Variants in CUL4A observed in about 807,000 individuals in gnomAD.
CUL4A encodes cullin 4A.
A neutral mutation model predicts 95.5 loss-of-function variants in CUL4A; 16 were observed. The observed-to-expected ratio is 0.17, with a 90% confidence interval of 0.11 to 0.25. The LOEUF (loss-of-function observed/expected upper bound fraction) is 0.25. CUL4A is among the 10% of genes least tolerant of loss of function. CUL4A has a pLI of 1.00. For synonymous variants in CUL4A, 380 were observed against 353.1 expected, an observed-to-expected ratio of 1.08 and a Z score of -0.85; for missense variants, 610 against 937.0, an observed-to-expected ratio of 0.65 and a Z score of 4.56.
intron 2 of CUL4A, among the ~76,000 whole-genome samples, chr13:113,212,362 A>AT (rs1173005932): frequency 6.6e-6 from 1 of 152,248 alleles, no homozygotes; most frequent in East Asian, 1.9e-4. Flanking sequence ...TATCCAAGAA[A>AT]TCTTGCTTAA....
At position 113,256,117 on chromosome 13, in the gene CUL4A, T is replaced by C. The variant is rs2042113629; in HGVS notation, c.2031+992T>C. On this transcript the variant is annotated intron_variant, in intron 18 of 19. Coordinates refer to ENST00000375440, the MANE Select transcript of CUL4A (RefSeq NM_001008895.4). Reference sequence around the variant, plus strand: ...CGGGAGGGTCGCTTGATCCCGGGAGTTTGAGGCCAGCCTGAGCAATGCAGT... The same window carrying C: ...CGGGAGGGTCGCTTGATCCCGGGAGCTTGAGGCCAGCCTGAGCAATGCAGT... Among the ~76,000 whole-genome samples, 3 of 151,808 alleles carry C rather than the reference T, an allele frequency of 2.0e-5. No individual in the cohort carries two copies. The South Asian group carries it at 6.2e-4, about 32-fold the overall frequency.
At chr13:113,254,367 G>A (rs1223715072) in intron 16 of CUL4A, among the ~76,000 whole-genome samples, 1 of 152,194 alleles carries the variant, frequency 6.6e-6, no homozygotes, top group East Asian at 1.9e-4. Context: ...GGGAGGCCGA[G>A]GTGGGTGGAT....
chr13:113,228,781 G>A (rs1045729272), intron 4 of CUL4A, among the ~76,000 whole-genome samples: 1 of 151,998 alleles, frequency 6.6e-6, no homozygotes, highest in African/African-American at 2.4e-5. Context: ...TAAAAGCTAA[G>A]TGCATCTCCC....
intron 2 of CUL4A, among the ~76,000 whole-genome samples, chr13:113,214,780 A>G (rs943784255): frequency 4.6e-5 from 7 of 152,116 alleles, no homozygotes; most frequent in Non-Finnish European, 7.4e-5. Context: ...ATTAGGTGGC[A>G]TCCTTCCCTC....
At chr13:113,229,849 A>C in intron 5 of CUL4A, 1 of 466,358 alleles carries the variant, frequency 2.1e-6, no homozygotes, top group Non-Finnish European at 3.7e-6. Context: ...TGAAACTCGG[A>C]GAAAGACTGC....
At chr13:113,215,561 TC>T (rs1380104135) in intron 2 of CUL4A, among the ~76,000 whole-genome samples, 2 of 149,834 alleles carry the variant, frequency 1.3e-5, no homozygotes, top group African/African-American at 4.9e-5. Flanking sequence ...GGAGGTCACG[TC>T]CCATGTGGCC....
chr13:113,240,283 C>T (rs1320990241), intron 10 of CUL4A, among the ~76,000 whole-genome samples: 1 of 152,140 alleles, frequency 6.6e-6, no homozygotes, highest in Non-Finnish European at 1.5e-5. Flanking sequence ...AGGGGTGCTG[C>T]TGAATGCACA....
intron 7 of CUL4A, among the ~76,000 whole-genome samples, chr13:113,234,754 T>G (rs1031624649): frequency 1.3e-5 from 2 of 152,140 alleles, no homozygotes; most frequent in Non-Finnish European, 2.9e-5. Flanking sequence ...GAGGCTCAGC[T>G]CCCTGTGGGC....
chr13:113,216,952 A>C (rs1414575783), intron 2 of CUL4A, among the ~76,000 whole-genome samples: 1 of 152,210 alleles, frequency 6.6e-6, no homozygotes, highest in Non-Finnish European at 1.5e-5. Flanking sequence ...AATTTTAAAA[A>C]CAAAGTAAAT....
rs538930642 is a variant in CUL4A at position 113,224,613 on chromosome 13, G to A, written c.369-3363G>A. ...GTGTGCCTTTATGATCCGCACTGGC[G>A]ACAGCAGGCTTTGTCTTTCCTTAGA... On this transcript the variant is annotated intron_variant, in intron 3 of 19. Coordinates refer to ENST00000375440, the MANE Select transcript of CUL4A (RefSeq NM_001008895.4). 6.6e-4 allele frequency among the ~76,000 whole-genome samples: 101 copies of A among 152,352 alleles called. 1 individual carries two copies. The highest frequency in any genetic ancestry group is 1.8e-3 in the Admixed American group (28 of 15,308).
At chr13:113,222,049 G>A (rs779728530) in intron 3 of CUL4A, among the ~76,000 whole-genome samples, 5 of 152,228 alleles carry the variant, frequency 3.3e-5, no homozygotes, top group Non-Finnish European at 5.9e-5. Flanking sequence ...AGGCCAGGGA[G>A]CAGCGTGGGC....
chr13:113,242,886 A>C (rs932084213), intron 10 of CUL4A, 82 bp from the exon 11 acceptor site: 2 of 1,091,868 alleles, frequency 1.8e-6, no homozygotes, highest in Non-Finnish European at 2.7e-6. Context: ...ATGTTAAACT[A>C]TCCTGATTAT....
chr13:113,237,861 A>G (rs916287114), intron 9 of CUL4A, among the ~76,000 whole-genome samples: 2 of 152,356 alleles, frequency 1.3e-5, no homozygotes, highest in African/African-American at 2.4e-5. Context: ...GAGAATTAAC[A>G]TGATTGAGCA....
At chr13:113,216,846 G>A (rs2040712625) in intron 2 of CUL4A, among the ~76,000 whole-genome samples, 1 of 152,220 alleles carries the variant, frequency 6.6e-6, no homozygotes, top group South Asian at 2.1e-4. Flanking sequence ...AGTGATGAGT[G>A]CCTGTAATAT....
rs1208175958 is a variant in CUL4A, at chr13:113,265,730, C to G, written c.*2148C>G. 6.6e-6 allele frequency: 1 copy of G among 152,190 alleles called. No homozygotes were observed. The highest frequency in any genetic ancestry group is 1.5e-5 in the Non-Finnish European group (1 of 68,038). 9.4% of individuals were successfully genotyped at this position (152,190 alleles called of 1,614,324 possible). A position where few individuals can be genotyped will look rare whatever the true frequency, so the allele number is the denominator to read the frequency against. On this transcript the variant is annotated 3_prime_UTR_variant, in exon 20 of 20. Transcript: ENST00000375440. ...AAAAGAAAGGAAAATCTATTTATAT[C>G]TATTCTCTTATTTAGCAATATTTAA...
chr13:113,216,648 T>C (rs904521366), intron 2 of CUL4A, among the ~76,000 whole-genome samples: 1 of 152,248 alleles, frequency 6.6e-6, no homozygotes. Flanking sequence ...ACCATCTGAT[T>C]AGTTGCTTTA....
rs2041496661 is a variant in CUL4A, at chr13:113,235,138, A to G, written c.841A>G (p.Ser281Gly). The stretch of plus-strand genomic sequence containing the variant: ...CAGAGTAATCACTTACTTGGACCAC[A>G]GCACACAGTAAGTACCGTTTGCTCG... ...GDRVITYLDH[S>G]TQKPLIACVE... Residue 281 changes from serine to glycine, a missense_variant, in exon 8 of 20, where the codon AGC becomes GGC. By Grantham distance (56) the Ser-to-Gly change is moderately conservative. Coordinates refer to ENST00000375440, the MANE Select transcript of CUL4A (RefSeq NM_001008895.4). The G allele has an allele frequency of 6.2e-7, 1 of 1,610,084 alleles. No homozygotes were observed. The highest frequency in any genetic ancestry group is 1.7e-5 in the Admixed American group (1 of 59,914).
At chr13:113,232,833 C>G (rs1217337238) in intron 5 of CUL4A, among the ~76,000 whole-genome samples, 2 of 152,064 alleles carry the variant, frequency 1.3e-5, no homozygotes, top group African/African-American at 4.8e-5. Flanking sequence ...CAGGCAGGGT[C>G]GTGGTGCCCA....
rs10645246 is a variant in CUL4A, at chr13:113,241,511, CT to C, written c.1036-1436del. ...GAGTCTGTGCCCTTTCTGTTGGCAT[CT>C]TTTTTTTTTTTTTTTTTTTTGAGGT... is the stretch of plus-strand genomic sequence containing the variant. On this transcript the variant is annotated intron_variant, in intron 10 of 19. Transcript: ENST00000375440. 0.014 allele frequency among the ~76,000 whole-genome samples: 1,644 copies of C among 120,060 alleles called. 62 individuals are homozygous for C. The East Asian group carries it at 0.19, about 14-fold the overall frequency. The allele number at this position is 120,060 out of a possible 152,430, so 78.8% of individuals were successfully genotyped here.
Sources: allele counts gnomAD v4.1 joint callset (sites outside exome capture counted in the v4.1 genomes callset), GRCh38; gene constraint gnomAD v4.1.1; transcripts MANE v1.5; gene names NCBI Gene and HGNC (gene_info 2026-07-23, HGNC 2026-07-21).